The following GALNT18 variants were observed in gnomAD, a reference collection of about 807,000 sequenced individuals.
The protein encoded by GALNT18 is polypeptide N-acetylgalactosaminyltransferase 18.
In GALNT18, 44 loss-of-function variants were observed where a neutral mutation model predicts 69.5. That is an observed-to-expected ratio of 0.63 (90% CI 0.50 to 0.81). The LOEUF (loss-of-function observed/expected upper bound fraction) is 0.81, where lower values mean the gene tolerates loss of function less well. Among genes scored for constraint, GALNT18 ranks in the 40% least tolerant of loss-of-function variants. GALNT18 has a pLI of 0.00. For missense variants in GALNT18, 715 were observed against 810.0 expected (o/e 0.88, Z 1.42); for synonymous variants, 364 against 318.2 (o/e 1.14, Z -1.53).
chr11:11,384,520 C>T (rs1854003315), intron 3 of GALNT18, among the ~76,000 whole-genome samples: 2 of 152,130 alleles, frequency 1.3e-5, no homozygotes, highest in Non-Finnish European at 2.9e-5. Context: ...ATGACTTACT[C>T]ACCTCTGAAA....
At chr11:11,482,715 G>A (rs1231743420) in intron 1 of GALNT18, among the ~76,000 whole-genome samples, 1 of 152,222 alleles carries the variant, frequency 6.6e-6, no homozygotes, top group Non-Finnish European at 1.5e-5. Flanking sequence ...CAGTATCCCA[G>A]GCACACTAAG....
intron 1 of GALNT18, among the ~76,000 whole-genome samples, chr11:11,493,866 C>A (rs1047503618): frequency 6.6e-6 from 1 of 152,148 alleles, no homozygotes; most frequent in African/African-American, 2.4e-5. Flanking sequence ...CCTTCACCAA[C>A]CCGCTCCTGT....
chr11:11,359,808 C>G (rs1335764150), intron 6 of GALNT18, among the ~76,000 whole-genome samples: 1 of 152,156 alleles, frequency 6.6e-6, no homozygotes, highest in Non-Finnish European at 1.5e-5. Context: ...ACAACACAAC[C>G]TAGTGATTAA....
At chr11:11,409,152 G>T (rs1413109729) in intron 3 of GALNT18, among the ~76,000 whole-genome samples, 1 of 152,180 alleles carries the variant, frequency 6.6e-6, no homozygotes, top group Non-Finnish European at 1.5e-5. Context: ...CCCTGCTGAG[G>T]CGTGGGAGGC....
In GALNT18 at chr11:11,421,810, G is replaced by T. The variant is rs1026547071; in HGVS notation, c.595+10811C>A. 6.6e-6 allele frequency among the ~76,000 whole-genome samples: 1 copy of T among 152,094 alleles called. No individual in the cohort carries two copies. Among genetic ancestry groups the T allele is most frequent in the Non-Finnish European group, 1.5e-5 (1 of 68,032 alleles). The stretch of plus-strand genomic sequence containing the variant: ...AGCACACAGCATCTTGATGTACTTG[G>T]CCAAAAGGTGCCTTCTCTGGACTAT... On this transcript the variant is annotated intron_variant, in intron 3 of 10. Transcript: ENST00000227756. The surrounding 1 kb of genome is among the most constrained non-coding windows in gnomAD (Gnocchi z 5.6).
intron 2 of GALNT18, among the ~76,000 whole-genome samples, chr11:11,438,569 C>T (rs1447560054): frequency 2.0e-5 from 3 of 152,150 alleles, no homozygotes; most frequent in Admixed American, 6.5e-5. Context: ...GAAATAGAGT[C>T]GAGATGGTAA....
intron 1 of GALNT18, among the ~76,000 whole-genome samples, chr11:11,487,456 T>G (rs1046196715): frequency 3.3e-5 from 5 of 152,186 alleles, no homozygotes; most frequent in African/African-American, 1.2e-4. Context: ...TTATATTGCA[T>G]CCACATTATT....
rs1860143961 is a variant in GALNT18 at position 11,619,869 on chromosome 11, A to C, written c.235+1490T>G. On this transcript the variant is annotated intron_variant, in intron 1 of 10. Transcript: ENST00000227756. The surrounding 1 kb of genome is among the most constrained non-coding windows in gnomAD (Gnocchi z 4.9). ...AGAGGCAGAGGCAGGTCTGAAGAAG[A>C]AGCTGTCAATGTCCCTCTTTTCTGG... Among the ~76,000 whole-genome samples, 1 of 152,180 alleles carries C rather than the reference A, an allele frequency of 6.6e-6. No individual in the cohort carries two copies. The highest frequency in any genetic ancestry group is 2.4e-5 in the African/African-American group (1 of 41,426).
At chr11:11,457,057 C>G (rs1405938438) in intron 1 of GALNT18, among the ~76,000 whole-genome samples, 3 of 152,210 alleles carry the variant, frequency 2.0e-5, no homozygotes, top group African/African-American at 7.2e-5. Flanking sequence ...AGGAGCACAT[C>G]TGGAGGCCCT....
Position 11,497,552 on chromosome 11 carries a change from C to T in GALNT18, c.236-48616G>A, listed in dbSNP as rs1025117213. Among the ~76,000 whole-genome samples the T allele has an allele frequency of 2.6e-5, 4 of 152,022 alleles. No homozygotes were observed. Among genetic ancestry groups the T allele is most frequent in the African/African-American group, 7.3e-5 (3 of 41,360 alleles). On this transcript the variant is annotated intron_variant, in intron 1 of 10. Coordinates refer to ENST00000227756, the MANE Select transcript of GALNT18 (RefSeq NM_198516.3). The surrounding 1 kb of genome is among the most constrained non-coding windows in gnomAD (Gnocchi z 4.2). ...ATGAAAGAATACTCCAAAAGGTTCT[C>T]GTATGAATGAAATGAGATTATTATC...
intron 1 of GALNT18, among the ~76,000 whole-genome samples, chr11:11,453,114 G>A (rs961176561): frequency 1.3e-5 from 2 of 152,178 alleles, no homozygotes; most frequent in Non-Finnish European, 2.9e-5. Flanking sequence ...TGCTTCACCA[G>A]ACAGCCATGC....
chr11:11,496,835 G>A lies in GALNT18; in HGVS notation c.236-47899C>T, dbSNP rs1390610389. On this transcript the variant is annotated intron_variant, in intron 1 of 10. Transcript: ENST00000227756. This position sits in a 1 kb window ranked among gnomAD's most constrained non-coding sequence, Gnocchi z 4.0. ...CTCCCACCTAATCAACCACTTCTACGCCAGTTCCCTCACCCCCTGCCACCC... is the reference window on the plus strand; with the variant it reads ...CTCCCACCTAATCAACCACTTCTACACCAGTTCCCTCACCCCCTGCCACCC... Among the ~76,000 whole-genome samples, 5 of 151,886 alleles carry A rather than the reference G, an allele frequency of 3.3e-5. No homozygotes were observed. Among genetic ancestry groups the A allele is most frequent in the Admixed American group, 2.6e-4 (4 of 15,268 alleles).
chr11:11,297,892 A>T (rs1849429851), intron 9 of GALNT18, among the ~76,000 whole-genome samples: 1 of 152,240 alleles, frequency 6.6e-6, no homozygotes, highest in Non-Finnish European at 1.5e-5. Flanking sequence ...TGCAGGAGGA[A>T]GAGCAAAATC....
rs149856584 is a variant in GALNT18 at position 11,614,131 on chromosome 11, G to C, written c.235+7228C>G. ...AAATCAAGACAATAGCTTTGTATTA[G>C]TCCATTTTGCATTGCTATAAAGGAG... On this transcript the variant is annotated intron_variant, in intron 1 of 10. Coordinates refer to ENST00000227756, the MANE Select transcript of GALNT18 (RefSeq NM_198516.3). This position sits in a 1 kb window ranked among gnomAD's most constrained non-coding sequence, Gnocchi z 5.6. 1.3e-4 allele frequency among the ~76,000 whole-genome samples: 20 copies of C among 152,262 alleles called. No individual in the cohort carries two copies. The highest frequency in any genetic ancestry group is 4.6e-4 in the African/African-American group (19 of 41,550).
chr11:11,378,971 T>C (rs4910328), intron 4 of GALNT18, 110 bp downstream of exon 4: 318,685 of 1,029,760 alleles, frequency 0.31, 52,921 homozygotes, highest in Middle Eastern at 0.39. Flanking sequence ...ATTCCCAGAA[T>C]TACCTCTTTT....
chr11:11,380,435 C>T (rs1053303690), intron 3 of GALNT18, among the ~76,000 whole-genome samples: 10 of 152,170 alleles, frequency 6.6e-5, no homozygotes, highest in African/African-American at 2.4e-4. Context: ...TTTTCTTGAA[C>T]CCTTTCATAT....
At chr11:11,457,862 T>C (rs1855958244) in intron 1 of GALNT18, among the ~76,000 whole-genome samples, 1 of 152,260 alleles carries the variant, frequency 6.6e-6, no homozygotes, top group Non-Finnish European at 1.5e-5. Flanking sequence ...GCCAGTTCTG[T>C]AGCCACTGCT....
Position 11,461,343 on chromosome 11 carries a change from T to C in GALNT18, c.236-12407A>G, listed in dbSNP as rs923552534. 2.0e-5 allele frequency among the ~76,000 whole-genome samples: 3 copies of C among 152,194 alleles called. No homozygotes were observed. The highest frequency in any genetic ancestry group is 2.9e-5 in the Non-Finnish European group (2 of 68,028). ...TGGAAATAGCCTTGATTAGAAATTA[T>C]GCAGAATGAAAGCTGCTATTAAAGG... On this transcript the variant is annotated intron_variant, in intron 1 of 10. Coordinates refer to ENST00000227756, the MANE Select transcript of GALNT18 (RefSeq NM_198516.3). The surrounding 1 kb of genome is among the most constrained non-coding windows in gnomAD (Gnocchi z 4.1).
intron 1 of GALNT18, among the ~76,000 whole-genome samples, chr11:11,549,256 A>C (rs1241227608): frequency 6.6e-6 from 1 of 152,222 alleles, no homozygotes; most frequent in Non-Finnish European, 1.5e-5. Flanking sequence ...GTGATCCTGG[A>C]AGAGCTAGAC....
Sources: allele counts gnomAD v4.1 joint callset (sites outside exome capture counted in the v4.1 genomes callset), GRCh38; gene constraint gnomAD v4.1.1; non-coding constraint Gnocchi (gnomAD v3.1); transcripts MANE v1.5; gene names NCBI Gene and HGNC (gene_info 2026-07-23, HGNC 2026-07-21).